The following LRRC4C variants were observed in gnomAD, a reference collection of about 807,000 sequenced individuals.
LRRC4C encodes the protein leucine rich repeat containing 4C.
A neutral mutation model predicts 33.6 loss-of-function variants in LRRC4C; 5 were observed. The ratio of observed to expected loss-of-function variants is 0.15; its 90% CI spans 0.08 to 0.31. The LOEUF is 0.31. Ranked by LOEUF, LRRC4C falls within the 10% of genes least tolerant of loss-of-function variation. LRRC4C has a pLI of 1.00. For missense variants in LRRC4C, 560 were observed against 796.7 expected, an observed-to-expected ratio of 0.70 and a Z score of 3.58; for synonymous variants, 329 against 302.0, an observed-to-expected ratio of 1.09 and a Z score of -0.93.
chr11:41,200,318 G>A (rs374671567), intron 1 of LRRC4C, among the ~76,000 whole-genome samples: 2 of 152,096 alleles, frequency 1.3e-5, no homozygotes, highest in African/African-American at 2.4e-5. Flanking sequence ...AGAAAATGCT[G>A]TGGAAGTAAA....
At chr11:41,290,020 C>T (rs1480812036) in intron 1 of LRRC4C, among the ~76,000 whole-genome samples, 1 of 152,118 alleles carries the variant, frequency 6.6e-6, no homozygotes, top group African/African-American at 2.4e-5. Context: ...GATTCCTTTC[C>T]TGTAGTAGTA....
chr11:40,615,596 G>T (rs1412790604), intron 3 of LRRC4C, among the ~76,000 whole-genome samples: 1 of 151,596 alleles, frequency 6.6e-6, no homozygotes, highest in African/African-American at 2.4e-5. Context: ...GCTGAGTGAA[G>T]TGTTCTCACA....
At chr11:40,197,539 A>G (rs953649042) in intron 5 of LRRC4C, among the ~76,000 whole-genome samples, 6 of 152,202 alleles carry the variant, frequency 3.9e-5, no homozygotes, top group Non-Finnish European at 7.3e-5. Flanking sequence ...GAATAAGTCT[A>G]CCTTCTAATC....
chr11:40,647,791 G>A (rs1942555987), intron 3 of LRRC4C, among the ~76,000 whole-genome samples: 1 of 152,136 alleles, frequency 6.6e-6, no homozygotes, highest in Non-Finnish European at 1.5e-5. Context: ...TGAATCCCAA[G>A]AAGGACAATC....
intron 1 of LRRC4C, among the ~76,000 whole-genome samples, chr11:41,231,783 GTA>G (rs1019659157): frequency 6.6e-6 from 1 of 151,396 alleles, no homozygotes; most frequent in African/African-American, 2.4e-5. Context: ...GTGTGTGTGT[GTA>G]TATATATGTA....
intron 1 of LRRC4C, among the ~76,000 whole-genome samples, chr11:41,439,727 T>G (rs1955552062): frequency 6.6e-6 from 1 of 152,232 alleles, no homozygotes; most frequent in South Asian, 2.1e-4. Context: ...TGGCAACTCA[T>G]GGAAGACAAC....
chr11:40,164,199 C>T (rs2135378060), intron 5 of LRRC4C, among the ~76,000 whole-genome samples: 2 of 152,236 alleles, frequency 1.3e-5, no homozygotes, highest in African/African-American at 2.4e-5. Flanking sequence ...TTAAGCTTAA[C>T]ACAAGAATGT....
At chr11:40,799,257 T>G (rs1426299521) in intron 2 of LRRC4C, among the ~76,000 whole-genome samples, 1 of 152,190 alleles carries the variant, frequency 6.6e-6, no homozygotes, top group Non-Finnish European at 1.5e-5. Context: ...TTAATTTTTG[T>G]GTACCTTTGC....
At chr11:40,986,185 G>C (rs571893392) in intron 1 of LRRC4C, among the ~76,000 whole-genome samples, 4 of 152,254 alleles carry the variant, frequency 2.6e-5, no homozygotes, top group South Asian at 2.1e-4. Flanking sequence ...GATTCAGAAG[G>C]CTCTGGACAT....
chr11:41,381,861 G>A (rs1319330699), intron 1 of LRRC4C, among the ~76,000 whole-genome samples: 1 of 150,514 alleles, frequency 6.6e-6, no homozygotes, highest in African/African-American at 2.4e-5. Flanking sequence ...TCTATCTCTG[G>A]CTCTATCTAT....
intron 1 of LRRC4C, among the ~76,000 whole-genome samples, chr11:40,969,449 G>A (rs1057224701): frequency 1.6e-5 from 2 of 122,532 alleles, no homozygotes; most frequent in Non-Finnish European, 3.4e-5. Flanking sequence ...CTATCAAACA[G>A]CATCTTACAC....
chr11:41,359,519 T>C (rs926552937), intron 1 of LRRC4C, among the ~76,000 whole-genome samples: 3 of 152,094 alleles, frequency 2.0e-5, no homozygotes, highest in African/African-American at 7.2e-5. Flanking sequence ...AAAATAAGTG[T>C]TTGTTTTTTT....
At chr11:40,585,757 A>G (rs1426666091) in intron 3 of LRRC4C, among the ~76,000 whole-genome samples, 1 of 141,022 alleles carries the variant, frequency 7.1e-6, no homozygotes, top group Non-Finnish European at 1.6e-5. Context: ...TTTACTGAGA[A>G]TGATGATTTC....
At chr11:41,421,947 T>C (rs1289806942) in intron 1 of LRRC4C, among the ~76,000 whole-genome samples, 2 of 152,012 alleles carry the variant, frequency 1.3e-5, no homozygotes, top group African/African-American at 4.8e-5. Context: ...TTGTCCCTGA[T>C]TGTATCTTTA....
At chr11:40,244,893 T>A (rs181261412) in intron 4 of LRRC4C, among the ~76,000 whole-genome samples, 18 of 152,318 alleles carry the variant, frequency 1.2e-4, no homozygotes, top group African/African-American at 4.3e-4. Flanking sequence ...CTAAAGACAG[T>A]GGCATATTCC....
At chr11:40,406,014 T>C (rs1444796016) in intron 3 of LRRC4C, among the ~76,000 whole-genome samples, 2 of 152,100 alleles carry the variant, frequency 1.3e-5, no homozygotes, top group African/African-American at 4.8e-5. Flanking sequence ...ATATCGGATC[T>C]CTTTATAAAA....
chr11:41,265,497 C>T lies in LRRC4C; in HGVS notation c.-496+193934G>A, dbSNP rs561683395. ...GAGAAAACAGTCCTTGTGTAAATTA[C>T]TGGAACAAAGGGTAAATAAAGCCAT... On this transcript the variant is annotated intron_variant, in intron 1 of 6. Transcript: ENST00000528697. 2.0e-5 allele frequency among the ~76,000 whole-genome samples: 3 copies of T among 152,128 alleles called. No homozygotes were observed. In the East Asian group the frequency reaches 5.8e-4, roughly 29 times the overall value.
chr11:41,021,111 G>A (rs1319052630), intron 1 of LRRC4C, among the ~76,000 whole-genome samples: 1 of 149,520 alleles, frequency 6.7e-6, no homozygotes, highest in African/African-American at 2.5e-5. Context: ...TAAAATGTAA[G>A]CTCTGGGGAC....
chr11:40,544,250 T>A (rs2135404740), intron 3 of LRRC4C, among the ~76,000 whole-genome samples: 1 of 152,184 alleles, frequency 6.6e-6, no homozygotes, highest in South Asian at 2.1e-4. Context: ...CTTTGATAAT[T>A]GCCTAGTCAG....
Sources: gnomAD v4.1 joint callset for allele counts (sites outside exome capture counted in the v4.1 genomes callset) on GRCh38, gnomAD v4.1.1 for gene constraint, MANE v1.5 for transcripts, NCBI Gene and HGNC (gene_info 2026-07-23, HGNC 2026-07-21) for gene names.